The following PCDH11X variants were observed in gnomAD, a reference collection of about 807,000 sequenced individuals.
PCDH11X encodes protocadherin-11 X-linked.
In PCDH11X, 18 loss-of-function variants were observed where a neutral mutation model predicts 53.3. That is an observed-to-expected ratio of 0.34 (90% CI 0.23 to 0.50). The LOEUF is 0.50. Ranked by LOEUF, PCDH11X falls within the 20% of genes least tolerant of loss-of-function variation. PCDH11X has a pLI of 0.98. For missense variants in PCDH11X, 570 were observed against 1,032.4 expected (o/e 0.55, Z 6.14); for synonymous variants, 279 against 393.3 (o/e 0.71, Z 3.44).
chrX:92,090,191 G>A (rs1481415269), intron 6 of PCDH11X, among the ~76,000 whole-genome samples: 1 of 111,493 alleles, frequency 9.0e-6, no homozygotes, highest in Non-Finnish European at 1.9e-5. Context: ...GTAACTGTTG[G>A]AAATGTCAAG....
chrX:92,039,808 C>T (rs1428677769), intron 6 of PCDH11X, among the ~76,000 whole-genome samples: 1 of 110,681 alleles, frequency 9.0e-6, no homozygotes, highest in East Asian at 2.9e-4. Flanking sequence ...GCCACCACAG[C>T]TGGGAATGTG....
chrX:92,053,821 G>A (rs1388479620), intron 6 of PCDH11X, among the ~76,000 whole-genome samples: 17 of 110,834 alleles, frequency 1.5e-4, no homozygotes, highest in African/African-American at 5.6e-4. Flanking sequence ...CACTTGCCTC[G>A]GCCTCCCAAA....
intron 7 of PCDH11X, among the ~76,000 whole-genome samples, chrX:92,240,830 A>G (rs2067250535): frequency 9.1e-6 from 1 of 110,413 alleles, no homozygotes; most frequent in Non-Finnish European, 1.9e-5. Context: ...GTTGTAGTAG[A>G]ATAAACTACT....
At chrX:92,350,729 CTCTG>C (rs746376698) in intron 8 of PCDH11X, among the ~76,000 whole-genome samples, 1 of 111,609 alleles carries the variant, frequency 9.0e-6, no homozygotes, top group African/African-American at 3.3e-5. Context: ...CCACACGCTG[CTCTG>C]TCTGTCTGAG....
intron 6 of PCDH11X, among the ~76,000 whole-genome samples, chrX:92,135,757 TTGTGTGTGTGTGTGTG>T (rs575523392): frequency 2.0e-5 from 2 of 100,166 alleles, no homozygotes; most frequent in Non-Finnish European, 4.0e-5. Flanking sequence ...GTGTGCATGT[TTGTGTGTGTGTGTGTG>T]TGTGTGTGTG....
At chrX:91,815,111 A>T (rs1002032323) in intron 4 of PCDH11X, among the ~76,000 whole-genome samples, 6 of 111,100 alleles carry the variant, frequency 5.4e-5, no homozygotes, top group Admixed American at 3.8e-4. Flanking sequence ...GCATAAAGTC[A>T]CACAGCTAGT....
chrX:92,506,775 T>C (rs1025192957), intron 10 of PCDH11X, among the ~76,000 whole-genome samples: 3 of 109,855 alleles, frequency 2.7e-5, no homozygotes, highest in African/African-American at 9.9e-5. Context: ...TGGAATCATT[T>C]CAGAAGGAAT....
At chrX:92,275,617 C>T (rs2068069469) in intron 8 of PCDH11X, among the ~76,000 whole-genome samples, 1 of 111,708 alleles carries the variant, frequency 9.0e-6, no homozygotes, top group African/African-American at 3.3e-5. Context: ...ATGGGTTTGG[C>T]ACCATGGGGT....
chrX:92,264,036 G>C (rs941240362), intron 8 of PCDH11X, among the ~76,000 whole-genome samples: 1 of 111,694 alleles, frequency 9.0e-6, no homozygotes, highest in Non-Finnish European at 1.9e-5. Context: ...TATCTTTGCT[G>C]TTGCTAAGTT....
At chrX:92,426,729 GC>G (rs1406695134) in intron 9 of PCDH11X, among the ~76,000 whole-genome samples, 2 of 110,255 alleles carry the variant, frequency 1.8e-5, no homozygotes, top group East Asian at 5.7e-4. Flanking sequence ...TTTTTAATAA[GC>G]CCTTTAAAAA....
intron 9 of PCDH11X, among the ~76,000 whole-genome samples, chrX:92,429,301 A>T (rs1408017906): frequency 9.1e-6 from 1 of 109,964 alleles, no homozygotes; most frequent in Non-Finnish European, 1.9e-5. Flanking sequence ...CAATTGGCCT[A>T]TAAAAATAAA....
intron 7 of PCDH11X, among the ~76,000 whole-genome samples, chrX:92,226,777 A>AG (rs749121456): frequency 9.0e-6 from 1 of 110,540 alleles, no homozygotes; most frequent in Non-Finnish European, 1.9e-5. Context: ...ATTGCTTCTG[A>AG]GACTGCATCT....
intron 6 of PCDH11X, among the ~76,000 whole-genome samples, chrX:91,908,176 C>G (rs1302236719): frequency 2.7e-5 from 3 of 111,575 alleles, no homozygotes; most frequent in Non-Finnish European, 1.9e-5. Context: ...CAAATGGGAT[C>G]TAGTTAAACA....
intron 6 of PCDH11X, among the ~76,000 whole-genome samples, chrX:92,031,253 A>G (rs1189368893): frequency 9.1e-6 from 1 of 109,958 alleles, no homozygotes; most frequent in Non-Finnish European, 1.9e-5. Flanking sequence ...AACTTTTCAT[A>G]TACCTGTTTG....
At chrX:92,353,037 C>G (rs1260511660) in intron 8 of PCDH11X, among the ~76,000 whole-genome samples, 2 of 111,723 alleles carry the variant, frequency 1.8e-5, no homozygotes, top group Admixed American at 1.9e-4. Context: ...CTTCTATCTA[C>G]CATTTTTCTC....
At chrX:92,487,139 G>A (rs1415632636) in intron 10 of PCDH11X, among the ~76,000 whole-genome samples, 4 of 88,266 alleles carry the variant, frequency 4.5e-5, no homozygotes, top group East Asian at 4.4e-4. Flanking sequence ...TGCATCCTCC[G>A]CCTCCTGGAT....
chrX:92,217,796 G>T (rs779751164), intron 7 of PCDH11X, among the ~76,000 whole-genome samples: 2 of 111,246 alleles, frequency 1.8e-5, no homozygotes, highest in African/African-American at 6.6e-5. Context: ...TGACCACATA[G>T]TTGGAAGTAA....
At chrX:92,108,168 C>A (rs1294959229) in intron 6 of PCDH11X, among the ~76,000 whole-genome samples, 1 of 111,848 alleles carries the variant, frequency 8.9e-6, no homozygotes, top group African/African-American at 3.2e-5. Flanking sequence ...AAAATGTCTA[C>A]ATCAGTTTAA....
At chrX:91,816,559 G>T (rs1486671475) in intron 4 of PCDH11X, among the ~76,000 whole-genome samples, 7 of 110,911 alleles carry the variant, frequency 6.3e-5, no homozygotes, top group Non-Finnish European at 1.1e-4. Context: ...GTGTTAAATC[G>T]GTGGTATTCA....
Sources: gnomAD v4.1 joint callset for allele counts (sites outside exome capture counted in the v4.1 genomes callset) on GRCh38, gnomAD v4.1.1 for gene constraint, MANE v1.5 for transcripts, NCBI Gene and HGNC (gene_info 2026-07-23, HGNC 2026-07-21) for gene names.